TTN: variants seen among roughly 807,000 people sequenced by gnomAD.
TTN encodes the protein connectin.
TTN carries 1,525 observed loss-of-function variants against 3,223.0 expected under a neutral mutation model. The ratio of observed to expected loss-of-function variants is 0.47; its 90% CI spans 0.45 to 0.49. The LOEUF (loss-of-function observed/expected upper bound fraction) is 0.49, where lower values mean the gene tolerates loss of function less well. Ranked by LOEUF, TTN falls within the 20% of genes least tolerant of loss-of-function variation. TTN has a pLI of 0.00. For synonymous variants in TTN, 14,094 were observed against 15,161.0 expected (o/e 0.93, Z 5.17); for missense variants, 40,786 against 43,424.0 (o/e 0.94, Z 5.40).
At chr2:178,749,359 G>C (rs759919837) in intron 47 of TTN, 30 of 1,612,898 alleles carry the variant, frequency 1.9e-5, no homozygotes, top group Non-Finnish European at 2.5e-5. Flanking sequence ...TGATGGGCTT[G>C]CTGATTTTTA....
At chr2:178,549,531 C>T in intron 338 of TTN, 39 bp downstream of exon 338, 5 of 1,594,476 alleles carry the variant, frequency 3.1e-6, no homozygotes, top group Non-Finnish European at 4.3e-6. Flanking sequence ...GAAGGTTAAA[C>T]TTTTGACATA....
In TTN at chr2:178,567,749, C is replaced by A; in HGVS notation, c.78383G>T (p.Arg26128Leu). 6.2e-7 allele frequency: 1 copy of A among 1,613,016 alleles called. No individual in the cohort carries two copies. Among genetic ancestry groups the A allele is most frequent in the South Asian group, 1.1e-5 (1 of 91,054 alleles). The change falls in exon 326 of 363, where the codon CGT becomes CTT. Residue 26128 changes from arginine (R) to leucine (L), a missense_variant. Arg to Leu is a moderately radical substitution (Grantham distance 102, BLOSUM62 -2). Transcript: ENST00000589042. Reference sequence around the variant, plus strand: ...CATCCAACGACCATCAGGCAAATCACGTTTCTCTACAATGTAGCCTGTAAT... The same window carrying A: ...CATCCAACGACCATCAGGCAAATCAAGTTTCTCTACAATGTAGCCTGTAAT... ...SMITGYIVEKRDLPDGRWMKA... is the reference protein window; with the variant it reads ...SMITGYIVEKLDLPDGRWMKA...
rs778918657 is a variant in TTN, at chr2:178,607,023, A to G, written c.53579T>C (p.Leu17860Pro). The change falls in exon 278 of 363, where the codon CTA becomes CCA. Residue 17860 changes from leucine to proline, a missense_variant and splice_region_variant. By Grantham distance (98) the Leu-to-Pro change is moderately conservative. Coordinates refer to ENST00000589042, the MANE Select transcript of TTN (RefSeq NM_001267550.2). ...CACAATGAAACCTTCTCTTTTACCT[A>G]GTGGATCAACTGCAAGAATTGGTCC... ...EIGPILAVDP[L>P]GPPTSPERLT... The G allele has an allele frequency of 6.2e-7, 1 of 1,607,092 alleles. No individual in the cohort carries two copies. The highest frequency in any genetic ancestry group is 1.1e-5 in the South Asian group (1 of 89,242).
chr2:178,647,243 A>G (rs2062152551), intron 214 of TTN, 99 bp from the exon 215 acceptor site: 10 of 1,194,416 alleles, frequency 8.4e-6, no homozygotes, highest in Non-Finnish European at 1.2e-5. Context: ...GTAACACTCT[A>G]TAACAGATTA....
intron 311 of TTN, 80 bp from the exon 312 acceptor site, chr2:178,583,986 C>G (rs1017415663): frequency 7.3e-7 from 1 of 1,371,126 alleles, no homozygotes; most frequent in African/African-American, 1.5e-5. Flanking sequence ...ATCATCCCTG[C>G]TGCTAAGTAA....
chr2:178,611,313 A>C lies in TTN; in HGVS notation c.50858-42T>G, dbSNP rs768178492. ...AAAAGAGCAAAAAACAGAGTATGTCAAAATGCAATGCATGAATAAAGGGTA... is the reference window on the plus strand; with the variant it reads ...AAAAGAGCAAAAAACAGAGTATGTCCAAATGCAATGCATGAATAAAGGGTA... On this transcript the variant is annotated intron_variant, in intron 269 of 362. Coordinates refer to ENST00000589042, the MANE Select transcript of TTN (RefSeq NM_001267550.2). The C allele has an allele frequency of 3.7e-6, 6 of 1,610,678 alleles. No homozygotes were observed. In the African/African-American group the frequency reaches 8.0e-5, roughly 22 times the overall value.
At position 178,618,800 on chromosome 2, in the gene TTN, G is replaced by A. The variant is rs751925383; in HGVS notation, c.46750C>T (p.Pro15584Ser). 2 of 1,610,990 alleles carry A rather than the reference G, an allele frequency of 1.2e-6. No individual in the cohort carries two copies. The highest frequency in any genetic ancestry group is 2.7e-5 in the African/African-American group (2 of 74,746). The change falls in exon 251 of 363, where the codon CCT (proline) becomes TCT (serine). Residue 15584 changes from proline to serine, a missense_variant. Physicochemically the swap from Pro to Ser is moderately conservative, Grantham distance 74. Coordinates refer to ENST00000589042, the MANE Select transcript of TTN (RefSeq NM_001267550.2). The stretch of plus-strand genomic sequence containing the variant: ...TCATATGGCACCACCATTGTCAGAG[G>A]CTTGCCAACATCAACCACAAGGTCT... The part of the protein sequence containing the change: ...DQDLVVDVGK[P>S]LTMVVPYDAY...
intron 127 of TTN, 88 bp downstream of exon 127, chr2:178,688,023 G>T: frequency 4.7e-6 from 5 of 1,054,732 alleles, no homozygotes; most frequent in Admixed American, 4.4e-5. Flanking sequence ...ACTTTTTTCT[G>T]TCTCTTTTCA....
At position 178,554,094 on chromosome 2, in the gene TTN, G is replaced by A. The variant is rs886038916; in HGVS notation, c.89017C>T (p.Arg29673Ter). ...SDISGYFLEKRDKKSLGWFKV... is the reference protein window; with the variant it reads ...SDISGYFLEK ...AACCATCCTAGGCTCTTCTTGTCTC[G>A]TTTTTCAAGGAAATAGCCACTTATA... is the stretch of plus-strand genomic sequence containing the variant. Residue 29673 changes from arginine (R) to a stop codon, truncating the protein, a stop_gained, in exon 333 of 363, where the codon CGA becomes TGA. Transcript: ENST00000589042. LOFTEE classifies it high-confidence loss of function. 1.9e-6 allele frequency: 3 copies of A among 1,613,802 alleles called. No individual in the cohort carries two copies. The highest frequency in any genetic ancestry group is 2.5e-6 in the Non-Finnish European group (3 of 1,179,788).
rs1338535777 is a variant in TTN at position 178,561,826 on chromosome 2, C to A, written c.84306G>T (p.Trp28102Cys). Residue 28102 changes from tryptophan to cysteine, a missense_variant, in exon 326 of 363, where the codon TGG becomes TGT. Trp to Cys is a radical substitution (Grantham distance 215). Coordinates refer to ENST00000589042, the MANE Select transcript of TTN (RefSeq NM_001267550.2). ...VEKKETTSTT[W>C]HIVSQAVART... is the part of the protein sequence containing the mutation. Reference sequence around the variant, plus strand: ...TTGCAACTGCTTGTGAAACTATGTGCCATGTTGTAGAGGTGGTTTCTTTCT... The same window carrying A: ...TTGCAACTGCTTGTGAAACTATGTGACATGTTGTAGAGGTGGTTTCTTTCT... 6.2e-7 allele frequency: 1 copy of A among 1,613,644 alleles called. No homozygotes were observed. The highest frequency in any genetic ancestry group is 1.1e-5 in the South Asian group (1 of 91,074).
rs1314544422 is a variant in TTN at position 178,739,605 on chromosome 2, C to T, written c.13628G>A (p.Arg4543Lys). The change falls in exon 48 of 363, where the codon AGG becomes AAG. Residue 4543 changes from arginine (R) to lysine (K), a missense_variant. Coordinates refer to ENST00000589042, the MANE Select transcript of TTN (RefSeq NM_001267550.2). ...AGGTGTGGCATCCAAATATTTAACC[C>T]TACTTTGCACGTTAAAATAACTGAC... ...EEVSYFNVQS[R>K]VKYLDATPVT... is the part of the protein sequence containing the mutation. 3 of 1,613,844 alleles carry T rather than the reference C, an allele frequency of 1.9e-6. No homozygotes were observed. In the Admixed American group the frequency reaches 5.0e-5, roughly 27 times the overall value.
rs766535854 is a variant in TTN at position 178,609,830 on chromosome 2, T to C, written c.51593A>G (p.Asn17198Ser). ...AKGEERWKRC[N>S]EHLVPILTYT... is the part of the protein sequence containing the mutation. ...GGTCAGGATTGGTACCAGGTGTTCA[T>C]TGCATCTCTTCCACCTTTCTTCACC... Residue 17198 changes from asparagine to serine, a missense_variant, in exon 272 of 363, where the codon AAT becomes AGT. Coordinates refer to ENST00000589042, the MANE Select transcript of TTN (RefSeq NM_001267550.2). The C allele has an allele frequency of 5.6e-6, 9 of 1,612,836 alleles. No individual in the cohort carries two copies. Among genetic ancestry groups the C allele is most frequent in the Admixed American group, 3.3e-5 (2 of 59,940 alleles).
chr2:178,746,371 C>A, intron 47 of TTN: 1 of 1,611,490 alleles, frequency 6.2e-7, no homozygotes, highest in Non-Finnish European at 8.5e-7. Flanking sequence ...GACTCACAAT[C>A]ATACTTTTAT....
chr2:178,647,113 T>C lies in TTN; in HGVS notation c.40173A>G (p.Glu13391=). 1 of 1,435,324 alleles carries C rather than the reference T, an allele frequency of 7.0e-7. No individual in the cohort carries two copies. Among genetic ancestry groups the C allele is most frequent in the Non-Finnish European group, 9.2e-7 (1 of 1,088,818 alleles). The allele number at this position is 1,435,324 out of a possible 1,614,324, so 88.9% of individuals were successfully genotyped here. The change falls in exon 215 of 363, where the codon GAA becomes GAG. Residue 13391 remains glutamate, a synonymous_variant. Coordinates refer to ENST00000589042, the MANE Select transcript of TTN (RefSeq NM_001267550.2). The part of the protein sequence containing the change: ...VEETPEEIIY[E]EKASITIGRK... ...TACCAATGGTTATAGATGCTTTTTC[T>C]TCATATATTATTTCCTCAGGAGTCT...
Position 178,764,752 on chromosome 2 carries a change from G to C in TTN, c.9763C>G (p.Pro3255Ala), listed in dbSNP as rs763012497. The C allele has an allele frequency of 1.9e-6, 3 of 1,613,996 alleles. No homozygotes were observed. Among genetic ancestry groups the C allele is most frequent in the Non-Finnish European group, 2.5e-6 (3 of 1,179,980 alleles). ...LQPVTVQSGKPARFCAVISGR... is the reference protein window; with the variant it reads ...LQPVTVQSGKAARFCAVISGR... ...GATATCACGGCACAGAAGCGGGCAG[G>C]CTTGCCAGACTGCACAGTGACAGGC... Residue 3255 changes from proline (P) to alanine (A), a missense_variant, in exon 42 of 363, where the codon CCT becomes GCT. By Grantham distance (27) the Pro-to-Ala change is conservative. Transcript: ENST00000589042.
At position 178,586,764 on chromosome 2, in the gene TTN, G is replaced by T; in HGVS notation, c.64137C>A (p.Thr21379=). ...ACCAGGCTAAGGTGGCACTGTTCTT[G>T]GTCATTTCAGTCACTTCTAATTTCC... ...PPRKLEVTEM[T]KNSATLAWLP... is the part of the protein sequence containing the mutation. Residue 21379 remains threonine (T), a synonymous_variant, in exon 308 of 363, where the codon ACC becomes ACA. Coordinates refer to ENST00000589042, the MANE Select transcript of TTN (RefSeq NM_001267550.2). 1 of 1,612,886 alleles carries T rather than the reference G, an allele frequency of 6.2e-7. No individual in the cohort carries two copies. Among genetic ancestry groups the T allele is most frequent in the South Asian group, 1.1e-5 (1 of 91,014 alleles).
intron 294 of TTN, among the ~76,000 whole-genome samples, chr2:178,596,922 C>T (rs780785778): frequency 3.0e-4 from 46 of 151,954 alleles, no homozygotes; most frequent in Non-Finnish European, 5.4e-4. Flanking sequence ...ACTAGAAATG[C>T]AATATTGATA....
At chr2:178,630,022 A>C (rs1380265298) in intron 239 of TTN, among the ~76,000 whole-genome samples, 1 of 152,060 alleles carries the variant, frequency 6.6e-6, no homozygotes, top group Admixed American at 6.6e-5. Flanking sequence ...TGATTTGCTA[A>C]ATTTTCTTTT....
In TTN at chr2:178,579,538, A is replaced by T; in HGVS notation, c.67636+23T>A. On this transcript the variant is annotated intron_variant, in intron 319 of 362. Transcript: ENST00000589042. ...TTTCGATGACAATAAAGGAAAAATG[A>T]AGATGTGTGCATAGAGCCTTACCAA... 4 of 1,607,866 alleles carry T rather than the reference A, an allele frequency of 2.5e-6. 1 individual carries two copies. In the Middle Eastern group the frequency reaches 5.0e-4, roughly 200 times the overall value.
Sources: allele counts gnomAD v4.1 joint callset (sites outside exome capture counted in the v4.1 genomes callset), GRCh38; gene constraint gnomAD v4.1.1; transcripts MANE v1.5; gene names NCBI Gene and HGNC (gene_info 2026-07-23, HGNC 2026-07-21).